The following UGT8 variants were observed in gnomAD, a reference collection of about 807,000 sequenced individuals.
The protein encoded by UGT8 is UDP glycosyltransferase 8, also known as 2-hydroxyacylsphingosine 1-beta-galactosyltransferase.
In UGT8, 12 loss-of-function variants were observed where a neutral mutation model predicts 40.5. That is an observed-to-expected ratio of 0.30 (90% CI 0.19 to 0.48). UGT8 has a LOEUF of 0.48. Ranked by LOEUF, UGT8 falls within the 20% of genes least tolerant of loss-of-function variation. The pLI is 0.99. For missense variants in UGT8, 513 were observed against 648.7 expected (o/e 0.79, Z 2.27); for synonymous variants, 224 against 240.4 (o/e 0.93, Z 0.63).
chr4:114,617,687 A>G (rs1731525991), intron 1 of UGT8, among the ~76,000 whole-genome samples: 1 of 152,232 alleles, frequency 6.6e-6, no homozygotes, highest in South Asian at 2.1e-4. Flanking sequence ...AAGTCCAAAC[A>G]GATAAGTGGA....
chr4:114,634,316 A>G (rs1732757932), intron 2 of UGT8, among the ~76,000 whole-genome samples: 4 of 152,186 alleles, frequency 2.6e-5, no homozygotes, highest in African/African-American at 7.2e-5. Flanking sequence ...ATGTTTGAAC[A>G]TGTGAGCATG....
intron 2 of UGT8, among the ~76,000 whole-genome samples, chr4:114,657,853 G>A (rs566817874): frequency 1.3e-5 from 2 of 152,102 alleles, no homozygotes; most frequent in African/African-American, 4.8e-5. Flanking sequence ...GTAAAGTATC[G>A]TAAGTGTTTT....
intron 2 of UGT8, among the ~76,000 whole-genome samples, chr4:114,634,896 CA>C (rs1215798834): frequency 6.6e-6 from 1 of 152,124 alleles, no homozygotes; most frequent in Non-Finnish European, 1.5e-5. Context: ...TACAGACTTC[CA>C]TTCTTAAATC....
intron 2 of UGT8, chr4:114,656,989 A>G (rs549645142): frequency 3.1e-6 from 1 of 317,652 alleles, no homozygotes; most frequent in Admixed American, 5.5e-5. Flanking sequence ...CATTTATCAA[A>G]TAGTGACCCA....
intron 2 of UGT8, among the ~76,000 whole-genome samples, chr4:114,627,844 T>C (rs1328521555): frequency 6.6e-6 from 1 of 152,212 alleles, no homozygotes; most frequent in African/African-American, 2.4e-5. Context: ...CTGTTTGCTG[T>C]TGTTGTACTG....
chr4:114,640,840 A>C (rs1733179421), intron 2 of UGT8, among the ~76,000 whole-genome samples: 1 of 152,136 alleles, frequency 6.6e-6, no homozygotes. Flanking sequence ...CCCATGATTC[A>C]ATTACCTCCC....
intron 2 of UGT8, among the ~76,000 whole-genome samples, chr4:114,648,033 T>A (rs1733681310): frequency 6.6e-6 from 1 of 152,214 alleles, no homozygotes; most frequent in Non-Finnish European, 1.5e-5. Context: ...GATTTTCTTA[T>A]TTCCTGAAGA....
At chr4:114,617,254 A>G (rs550867723) in intron 1 of UGT8, among the ~76,000 whole-genome samples, 1 of 152,332 alleles carries the variant, frequency 6.6e-6, no homozygotes, top group African/African-American at 2.4e-5. Flanking sequence ...ACTCCATCTC[A>G]AACAAAACAA....
At chr4:114,643,302 A>G (rs1298487227) in intron 2 of UGT8, among the ~76,000 whole-genome samples, 8 of 152,194 alleles carry the variant, frequency 5.3e-5, no homozygotes, top group African/African-American at 1.9e-4. Flanking sequence ...TTGGAGAATG[A>G]TAGTGCACCT....
intron 2 of UGT8, among the ~76,000 whole-genome samples, chr4:114,661,722 T>C (rs1036937353): frequency 1.3e-5 from 2 of 152,222 alleles, no homozygotes; most frequent in African/African-American, 4.8e-5. Context: ...GCCTTTCATC[T>C]CTAACTCAGG....
chr4:114,651,222 A>G (rs1461976691), intron 2 of UGT8, among the ~76,000 whole-genome samples: 2 of 152,102 alleles, frequency 1.3e-5, no homozygotes, highest in African/African-American at 2.4e-5. Flanking sequence ...TCTATTGAGT[A>G]GTGTCTCTTA....
intron 2 of UGT8, among the ~76,000 whole-genome samples, chr4:114,638,769 A>G (rs1426318186): frequency 1.3e-5 from 2 of 152,190 alleles, no homozygotes; most frequent in Non-Finnish European, 2.9e-5. Flanking sequence ...TGAATTCTCT[A>G]CATCATTTTG....
intron 2 of UGT8, among the ~76,000 whole-genome samples, chr4:114,650,169 A>G (rs1001512838): frequency 2.0e-5 from 3 of 152,152 alleles, no homozygotes; most frequent in African/African-American, 7.2e-5. Context: ...GTGTAGTCAC[A>G]TTTGTTGCCT....
At chr4:114,629,165 A>G (rs1560681406) in intron 2 of UGT8, among the ~76,000 whole-genome samples, 3 of 152,206 alleles carry the variant, frequency 2.0e-5, no homozygotes, top group South Asian at 2.1e-4. Context: ...GCAATTTGTT[A>G]TCTTATGAAA....
At chr4:114,667,145 C>T (rs1004915892) in intron 4 of UGT8, among the ~76,000 whole-genome samples, 3 of 152,156 alleles carry the variant, frequency 2.0e-5, no homozygotes, top group African/African-American at 4.8e-5. Flanking sequence ...GGGCTAGAGA[C>T]ACTGACTAAC....
chr4:114,662,273 C>G lies in UGT8; in HGVS notation c.823-1722C>G, dbSNP rs575163180. 2.4e-3 allele frequency among the ~76,000 whole-genome samples: 361 copies of G among 152,310 alleles called. 3 individuals are homozygous for G. The highest frequency in any genetic ancestry group is 4.1e-3 in the Non-Finnish European group (281 of 68,018). On this transcript the variant is annotated intron_variant, in intron 2 of 5. Coordinates refer to ENST00000310836, the MANE Select transcript of UGT8 (RefSeq NM_001128174.3). ...CCATTAGCCTACACTTGGAGAAAAT[C>G]ATCTGCCAAGACAGTACACAGTTGT...
intron 2 of UGT8, chr4:114,656,842 C>A: frequency 2.0e-6 from 1 of 511,500 alleles, no homozygotes; most frequent in South Asian, 1.5e-5. Context: ...TTCATTTCCC[C>A]ATATCTACTT....
Position 114,599,884 on chromosome 4 carries a change from G to A in UGT8, c.-3+910G>A, listed in dbSNP as rs182470677. Among the ~76,000 whole-genome samples, 321 of 152,176 alleles carry A rather than the reference G, an allele frequency of 2.1e-3. 1 individual carries two copies. The highest frequency in any genetic ancestry group is 6.9e-3 in the African/African-American group (288 of 41,506). ...AAGGACAATCTGAGGAGGTGGGCGG[G>A]GTACCCAATCTCTATATACAAGCTT... On this transcript the variant is annotated intron_variant, in intron 1 of 5. Coordinates refer to ENST00000310836, the MANE Select transcript of UGT8 (RefSeq NM_001128174.3).
chr4:114,671,097 C>G (rs1156520549), intron 5 of UGT8, among the ~76,000 whole-genome samples: 1 of 152,050 alleles, frequency 6.6e-6, no homozygotes, highest in Non-Finnish European at 1.5e-5. Context: ...AGGAATACAG[C>G]TATCGGGATG....
Sources: allele counts gnomAD v4.1 joint callset (sites outside exome capture counted in the v4.1 genomes callset), GRCh38; gene constraint gnomAD v4.1.1; transcripts MANE v1.5; gene names NCBI Gene and HGNC (gene_info 2026-07-23, HGNC 2026-07-21).